Variants in TAFA1 observed in about 807,000 individuals in gnomAD.
The protein encoded by TAFA1 is chemokine-like protein TAFA-1.
Under a neutral mutation model 18.5 loss-of-function variants are expected in TAFA1, and 4 were observed. That is an observed-to-expected ratio of 0.22 (90% CI 0.11 to 0.49). The LOEUF (loss-of-function observed/expected upper bound fraction) is 0.49. Ranked by LOEUF, TAFA1 falls within the 20% of genes least tolerant of loss-of-function variation. The probability of loss-of-function intolerance (pLI) is 0.98; values close to 1 mark genes in which losing one functional copy is unlikely to be tolerated. For synonymous variants in TAFA1, 56 were observed against 55.2 expected, an observed-to-expected ratio of 1.01 and a Z score of -0.06; for missense variants, 147 against 169.0, an observed-to-expected ratio of 0.87 and a Z score of 0.72.
intron 2 of TAFA1, among the ~76,000 whole-genome samples, chr3:68,122,632 G>T (rs912602218): frequency 6.6e-6 from 1 of 152,076 alleles, no homozygotes; most frequent in Non-Finnish European, 1.5e-5. Context: ...CTAATAGTCT[G>T]TCATTGGCAT....
intron 2 of TAFA1, among the ~76,000 whole-genome samples, chr3:68,274,083 T>C (rs564894893): frequency 6.6e-6 from 1 of 152,316 alleles, no homozygotes; most frequent in South Asian, 2.1e-4. Flanking sequence ...TATTAAGAAC[T>C]GTGGGAGTTG....
intron 3 of TAFA1, among the ~76,000 whole-genome samples, chr3:68,478,712 T>A (rs73092848): frequency 6.6e-6 from 1 of 151,952 alleles, no homozygotes; most frequent in East Asian, 1.9e-4. Flanking sequence ...AAGAACAACC[T>A]GAACTATAAC....
At chr3:68,265,708 G>C (rs1412498874) in intron 2 of TAFA1, among the ~76,000 whole-genome samples, 1 of 152,178 alleles carries the variant, frequency 6.6e-6, no homozygotes, top group Non-Finnish European at 1.5e-5. Flanking sequence ...GCTCATTACA[G>C]AACTGGCGCA....
chr3:68,469,689 A>C (rs2071959088), intron 3 of TAFA1, among the ~76,000 whole-genome samples: 1 of 152,060 alleles, frequency 6.6e-6, no homozygotes, highest in Non-Finnish European at 1.5e-5. Flanking sequence ...GAAAAGGAAA[A>C]TTCAGAGAGA....
At chr3:67,994,710 C>T in the TAFA1 span, among the ~76,000 whole-genome samples, 1 of 152,126 alleles carries the variant, frequency 6.6e-6, no homozygotes, top group Non-Finnish European at 1.5e-5. Context: ...TAATGTTATG[C>T]TTTTTTATAC....
At chr3:67,995,791 C>T in the TAFA1 span, among the ~76,000 whole-genome samples, 8 of 152,180 alleles carry the variant, frequency 5.3e-5, no homozygotes, top group African/African-American at 1.9e-4. Flanking sequence ...CAGATTCCCA[C>T]ACAAACACCC....
At chr3:68,026,671 A>G (rs1704824092) in intron 2 of TAFA1, among the ~76,000 whole-genome samples, 1 of 152,134 alleles carries the variant, frequency 6.6e-6, no homozygotes, top group African/African-American at 2.4e-5. Context: ...AATGTCTCAC[A>G]GCTAGTAAAG....
At chr3:68,444,771 A>AATATATATATATATATATATATAT (rs55684696) in intron 3 of TAFA1, among the ~76,000 whole-genome samples, 3 of 127,268 alleles carry the variant, frequency 2.4e-5, no homozygotes, top group Non-Finnish European at 5.0e-5. Flanking sequence ...GTTTCTACAA[A>AATATATATATATATATATATATAT]ATATATATAT....
intron 3 of TAFA1, among the ~76,000 whole-genome samples, chr3:68,505,605 C>G (rs1184965443): frequency 6.6e-6 from 1 of 152,106 alleles, no homozygotes; most frequent in African/African-American, 2.4e-5. Flanking sequence ...ATGGAAGATT[C>G]CATTTCCAAG....
intron 2 of TAFA1, among the ~76,000 whole-genome samples, chr3:68,048,827 C>T (rs939690391): frequency 1.3e-5 from 2 of 152,114 alleles, no homozygotes; most frequent in Non-Finnish European, 2.9e-5. Flanking sequence ...CTCTATTGTG[C>T]GTATGTACCA....
At chr3:68,278,022 C>A (rs1253343996) in intron 2 of TAFA1, among the ~76,000 whole-genome samples, 1 of 152,094 alleles carries the variant, frequency 6.6e-6, no homozygotes, top group Admixed American at 6.6e-5. Context: ...TATACGGTAT[C>A]CTTACACAAA....
At chr3:67,993,036 G>A in the TAFA1 span, among the ~76,000 whole-genome samples, 1 of 152,136 alleles carries the variant, frequency 6.6e-6, no homozygotes, top group Non-Finnish European at 1.5e-5. Flanking sequence ...AGCCATCAGG[G>A]GTGCAGATGG....
chr3:68,379,277 CAT>C (rs1326932959), intron 2 of TAFA1, among the ~76,000 whole-genome samples: 5 of 152,162 alleles, frequency 3.3e-5, no homozygotes, highest in Non-Finnish European at 7.4e-5. Context: ...AGCTTCTTTT[CAT>C]ATGATTGTTC....
At chr3:68,165,293 A>C (rs1281845630) in intron 2 of TAFA1, among the ~76,000 whole-genome samples, 1 of 152,216 alleles carries the variant, frequency 6.6e-6, no homozygotes, top group Non-Finnish European at 1.5e-5. Context: ...TTTCACCAGC[A>C]AAACTGCCTA....
chr3:68,195,319 T>C (rs1575672918), intron 2 of TAFA1, among the ~76,000 whole-genome samples: 1 of 148,628 alleles, frequency 6.7e-6, no homozygotes, highest in East Asian at 2.0e-4. Context: ...GCCTTTACAC[T>C]ACCCCTACCC....
intron 2 of TAFA1, among the ~76,000 whole-genome samples, chr3:68,108,466 G>GTGTGTGTGCA (rs1553641700): frequency 1.2e-3 from 12 of 10,378 alleles, no homozygotes; most frequent in Non-Finnish European, 9.8e-3. Context: ...GTGTGTGCAT[G>GTGTGTGTGCA]TGTGTGTGTG....
intron 2 of TAFA1, among the ~76,000 whole-genome samples, chr3:68,084,007 A>G (rs911269737): frequency 6.6e-6 from 1 of 152,150 alleles, no homozygotes; most frequent in African/African-American, 2.4e-5. Flanking sequence ...GAAAATCTTA[A>G]TGGCTCAGCT....
intron 2 of TAFA1, among the ~76,000 whole-genome samples, chr3:68,257,257 C>T (rs764950966): frequency 1.6e-4 from 24 of 152,210 alleles, no homozygotes; most frequent in Middle Eastern, 6.8e-3. Flanking sequence ...AGCCCAGCCA[C>T]CCGACCCCAG....
At chr3:68,151,692 G>A (rs1363482040) in intron 2 of TAFA1, among the ~76,000 whole-genome samples, 1 of 152,126 alleles carries the variant, frequency 6.6e-6, no homozygotes, top group Non-Finnish European at 1.5e-5. Context: ...CTGTGATAAT[G>A]ACATTTATTC....
Sources: gnomAD v4.1 joint callset for allele counts (sites outside exome capture counted in the v4.1 genomes callset) on GRCh38, gnomAD v4.1.1 for gene constraint, MANE v1.5 for transcripts, NCBI Gene and HGNC (gene_info 2026-07-23, HGNC 2026-07-21) for gene names.